Variants in NRG1 observed in about 807,000 individuals in gnomAD.
The protein encoded by NRG1 is pro-neuregulin-1, membrane-bound isoform.
In NRG1, 18 loss-of-function variants were observed where a neutral mutation model predicts 63.8. The ratio of observed to expected loss-of-function variants is 0.28; its 90% confidence interval spans 0.19 to 0.42. The LOEUF (loss-of-function observed/expected upper bound fraction) is 0.42. Ranked by LOEUF, NRG1 falls within the 10% of genes least tolerant of loss-of-function variation. The probability of loss-of-function intolerance (pLI) is 1.00; values close to 1 mark genes in which losing one functional copy is unlikely to be tolerated. For synonymous variants in NRG1, 302 were observed against 301.3 expected (o/e 1.00, Z -0.02); for missense variants, 762 against 814.7 (o/e 0.94, Z 0.79).
At chr8:32,524,182 G>C (rs1830592462) in intron 1 of NRG1, among the ~76,000 whole-genome samples, 1 of 152,176 alleles carries the variant, frequency 6.6e-6, no homozygotes, top group Non-Finnish European at 1.5e-5. Context: ...AGATACTTGA[G>C]AGGCTGAGGT....
At chr8:32,267,106 G>A (rs1851043292) in intron 1 of NRG1, among the ~76,000 whole-genome samples, 2 of 145,108 alleles carry the variant, frequency 1.4e-5, no homozygotes, top group Admixed American at 7.1e-5. Flanking sequence ...AAGGAAGGAA[G>A]GAAGGAGGGA....
intron 1 of NRG1, among the ~76,000 whole-genome samples, chr8:31,752,925 A>G (rs1357376436): frequency 1.3e-5 from 2 of 152,030 alleles, no homozygotes; most frequent in Non-Finnish European, 1.5e-5. Flanking sequence ...CCATAGTGAA[A>G]ACCAGTATTC....
chr8:31,800,701 T>A (rs1438419244), intron 1 of NRG1, among the ~76,000 whole-genome samples: 1 of 152,148 alleles, frequency 6.6e-6, no homozygotes, highest in African/African-American at 2.4e-5. Context: ...CTTTTTTCAT[T>A]GCAAAATTTC....
At chr8:32,179,939 C>T (rs1341373913) in intron 1 of NRG1, among the ~76,000 whole-genome samples, 1 of 152,046 alleles carries the variant, frequency 6.6e-6, no homozygotes, top group Non-Finnish European at 1.5e-5. Flanking sequence ...CAACAGGCAA[C>T]TAAAGATGTA....
intron 1 of NRG1, among the ~76,000 whole-genome samples, chr8:31,649,803 G>C (rs1188607616): frequency 6.6e-6 from 1 of 152,138 alleles, no homozygotes; most frequent in East Asian, 1.9e-4. Context: ...ATTGCTATCA[G>C]TGTAGTCCAG....
intron 1 of NRG1, among the ~76,000 whole-genome samples, chr8:31,641,142 G>A (rs980062557): frequency 1.3e-5 from 2 of 152,174 alleles, no homozygotes; most frequent in Non-Finnish European, 2.9e-5. Context: ...TTCACTTGGA[G>A]TCCAGAGTGT....
chr8:32,052,481 G>A (rs769093177), intron 1 of NRG1, among the ~76,000 whole-genome samples: 1 of 151,592 alleles, frequency 6.6e-6, no homozygotes, highest in African/African-American at 2.4e-5. Context: ...GGGGTCTCAC[G>A]GTGCTGGCCA....
chr8:31,810,928 A>G (rs1563430196), intron 1 of NRG1, among the ~76,000 whole-genome samples: 1 of 152,288 alleles, frequency 6.6e-6, no homozygotes, highest in East Asian at 1.9e-4. Context: ...TTTACTGTGA[A>G]TCTGGAGTCA....
chr8:31,862,180 A>G (rs1158563995), intron 1 of NRG1, among the ~76,000 whole-genome samples: 3 of 152,248 alleles, frequency 2.0e-5, no homozygotes, highest in Non-Finnish European at 4.4e-5. Context: ...ATCAGGGAGC[A>G]GATACCTCTT....
At chr8:32,076,023 A>C (rs1826482106) in intron 1 of NRG1, among the ~76,000 whole-genome samples, 1 of 152,134 alleles carries the variant, frequency 6.6e-6, no homozygotes. Context: ...TGATTGGTTG[A>C]ATTTGTGGAA....
rs1225478575 is a variant in NRG1, at chr8:32,626,658, C to A, written c.502+9773C>A. Among the ~76,000 whole-genome samples the A allele has an allele frequency of 2.0e-5, 3 of 147,892 alleles. No individual in the cohort carries two copies. In the East Asian group the frequency reaches 6.0e-4, roughly 29 times the overall value. ...TCGCGCCACTGCCCTCCAGCCTGGG[C>A]GACAGAGCAAGACTCATCTCAAAAA... On this transcript the variant is annotated intron_variant, in intron 5 of 11. Transcript: ENST00000356819.
chr8:31,651,422 T>C (rs533917714), intron 1 of NRG1, among the ~76,000 whole-genome samples: 1 of 152,230 alleles, frequency 6.6e-6, no homozygotes, highest in Non-Finnish European at 1.5e-5. Context: ...TGTGAATTTA[T>C]TTTTACAATG....
At chr8:32,054,340 C>A (rs1822489663) in intron 1 of NRG1, among the ~76,000 whole-genome samples, 1 of 152,104 alleles carries the variant, frequency 6.6e-6, no homozygotes, top group Admixed American at 6.6e-5. Flanking sequence ...ATCTTTGTAT[C>A]CCCAAGGGTG....
chr8:32,260,141 C>T (rs575390769), intron 1 of NRG1, among the ~76,000 whole-genome samples: 38 of 152,194 alleles, frequency 2.5e-4, no homozygotes, highest in African/African-American at 8.2e-4. Flanking sequence ...TGAACTTGCT[C>T]AAATAGAAAT....
chr8:32,373,187 A>G (rs1039956610), intron 1 of NRG1, among the ~76,000 whole-genome samples: 1 of 152,194 alleles, frequency 6.6e-6, no homozygotes, highest in East Asian at 1.9e-4. Flanking sequence ...AACCACAATC[A>G]TCTTCACCAG....
intron 1 of NRG1, among the ~76,000 whole-genome samples, chr8:32,488,076 C>T (rs1826119657): frequency 6.6e-6 from 1 of 152,180 alleles, no homozygotes; most frequent in Non-Finnish European, 1.5e-5. Context: ...AATTAACTTG[C>T]AGCACTTTCT....
intron 1 of NRG1, among the ~76,000 whole-genome samples, chr8:31,790,066 T>TGA (rs1391162132): frequency 1.3e-5 from 2 of 152,142 alleles, no homozygotes. Flanking sequence ...ACAAGGCTTG[T>TGA]GTTAGGTGAG....
At chr8:32,692,816 AAC>A (rs750333359) in intron 5 of NRG1, among the ~76,000 whole-genome samples, 55 of 152,106 alleles carry the variant, frequency 3.6e-4, no homozygotes, top group Admixed American at 2.0e-4. Context: ...CAGGAGGAGA[AAC>A]ACCCTCTTTC....
At chr8:31,848,451 A>G (rs2129608697) in intron 1 of NRG1, among the ~76,000 whole-genome samples, 1 of 152,282 alleles carries the variant, frequency 6.6e-6, no homozygotes, top group South Asian at 2.1e-4. Flanking sequence ...GAATTGGGCA[A>G]TGCTGTTTAC....
Sources: gnomAD v4.1 joint callset for allele counts (sites outside exome capture counted in the v4.1 genomes callset) on GRCh38, gnomAD v4.1.1 for gene constraint, MANE v1.5 for transcripts, NCBI Gene and HGNC (gene_info 2026-07-23, HGNC 2026-07-21) for gene names.